WDFY2: variants seen among roughly 807,000 people sequenced by gnomAD.
WDFY2 encodes WD repeat and FYVE domain containing 2, also known as WD repeat and FYVE domain-containing protein 2.
In WDFY2, 36 loss-of-function variants were observed where a neutral mutation model predicts 56.4. That is an observed-to-expected ratio of 0.64 (90% CI 0.49 to 0.84). WDFY2 has a LOEUF of 0.84. Ranked by LOEUF, WDFY2 falls within the 40% of genes least tolerant of loss-of-function variation. The pLI, the probability that WDFY2 is intolerant of heterozygous loss-of-function variation, is 0.00. For synonymous variants in WDFY2, 176 were observed against 183.7 expected (o/e 0.96, Z 0.34); for missense variants, 444 against 512.2 (o/e 0.87, Z 1.29).
At chr13:51,675,474 C>T (rs1593401846) in intron 3 of WDFY2, among the ~76,000 whole-genome samples, 1 of 152,158 alleles carries the variant, frequency 6.6e-6, no homozygotes, top group Non-Finnish European at 1.5e-5. Flanking sequence ...TACAGAGTGG[C>T]TAGAATGGGG....
intron 3 of WDFY2, among the ~76,000 whole-genome samples, chr13:51,695,400 A>C (rs1951846378): frequency 6.6e-6 from 1 of 152,344 alleles, no homozygotes; most frequent in South Asian, 2.1e-4. Flanking sequence ...TCCTTGTAAC[A>C]GACAGGACCC....
At chr13:51,679,263 C>T (rs987179727) in intron 3 of WDFY2, among the ~76,000 whole-genome samples, 1 of 152,100 alleles carries the variant, frequency 6.6e-6, no homozygotes, top group African/African-American at 2.4e-5. Flanking sequence ...TAATTTTCAC[C>T]AACCCTGAGT....
intron 1 of WDFY2, among the ~76,000 whole-genome samples, chr13:51,620,028 G>A (rs896471153): frequency 1.3e-5 from 2 of 152,148 alleles, no homozygotes; most frequent in Non-Finnish European, 2.9e-5. Context: ...CTAATAATCT[G>A]GGCTGATCCT....
intron 3 of WDFY2, among the ~76,000 whole-genome samples, chr13:51,682,164 G>T (rs1955988266): frequency 6.6e-6 from 1 of 152,188 alleles, no homozygotes; most frequent in Non-Finnish European, 1.5e-5. Flanking sequence ...AGAGTGAGTG[G>T]TGGATTGAAG....
intron 1 of WDFY2, among the ~76,000 whole-genome samples, chr13:51,629,577 CA>C (rs1954910622): frequency 6.6e-6 from 1 of 152,076 alleles, no homozygotes; most frequent in African/African-American, 2.4e-5. Flanking sequence ...CTGTTCTGTA[CA>C]AGCATTGCAC....
chr13:51,683,582 A>C (rs1021504212), intron 3 of WDFY2, among the ~76,000 whole-genome samples: 2 of 152,202 alleles, frequency 1.3e-5, no homozygotes, highest in Non-Finnish European at 2.9e-5. Flanking sequence ...CATGAAATAT[A>C]TCTTCCAGGG....
chr13:51,724,871 C>T (rs925558042), intron 5 of WDFY2, among the ~76,000 whole-genome samples: 2 of 152,162 alleles, frequency 1.3e-5, no homozygotes, highest in Non-Finnish European at 2.9e-5. Flanking sequence ...CAGTTCATCC[C>T]TTATCACTGT....
intron 1 of WDFY2, among the ~76,000 whole-genome samples, chr13:51,631,721 A>T (rs1954956260): frequency 6.6e-6 from 1 of 152,070 alleles, no homozygotes; most frequent in African/African-American, 2.4e-5. Flanking sequence ...TTAGACGAGG[A>T]TCTTGCCATG....
intron 1 of WDFY2, among the ~76,000 whole-genome samples, chr13:51,634,973 C>T (rs943784585): frequency 1.3e-5 from 2 of 152,100 alleles, no homozygotes; most frequent in Admixed American, 6.5e-5. Context: ...GAGTCTCTCT[C>T]TGTTGCCCAG....
chr13:51,712,224 A>C (rs147739092), intron 4 of WDFY2, among the ~76,000 whole-genome samples: 123 of 152,194 alleles, frequency 8.1e-4, no homozygotes, highest in African/African-American at 2.8e-3. Flanking sequence ...GTATCTTCTC[A>C]CTCATAGGTG....
intron 1 of WDFY2, among the ~76,000 whole-genome samples, chr13:51,624,169 G>C (rs1315543139): frequency 6.6e-6 from 1 of 152,158 alleles, no homozygotes; most frequent in Non-Finnish European, 1.5e-5. Flanking sequence ...ACAGATTACT[G>C]CTGGATTCTG....
chr13:51,651,333 C>G (rs1297419183), intron 1 of WDFY2, among the ~76,000 whole-genome samples: 3 of 152,154 alleles, frequency 2.0e-5, no homozygotes, highest in Non-Finnish European at 1.5e-5. Flanking sequence ...TGCTAGTGGT[C>G]TATCAATTTT....
Position 51,751,311 on chromosome 13 carries a change from G to A in WDFY2, c.727G>A (p.Asp243Asn), listed in dbSNP as rs778904850. 1.7e-5 allele frequency: 28 copies of A among 1,612,000 alleles called. No individual in the cohort carries two copies. The South Asian group carries it at 2.6e-4, about 15-fold the overall frequency. Residue 243 changes from aspartate (D) to asparagine (N), a missense_variant and splice_region_variant, in exon 8 of 12, where the codon GAC (aspartate) becomes AAC (asparagine). By Grantham distance (23) the Asp-to-Asn change is conservative (BLOSUM62 1). Transcript: ENST00000298125. ...GTAIELQGHN[D>N]RVQALSYAQH... ...AATAACCCTTGGTTTCTTTCACAGC[G>A]ACAGAGTCCAGGCCCTCTCCTATGC...
At chr13:51,658,086 A>G (rs1363784692) in intron 1 of WDFY2, among the ~76,000 whole-genome samples, 10 of 152,164 alleles carry the variant, frequency 6.6e-5, no homozygotes, top group Non-Finnish European at 1.3e-4. Context: ...ATTATAATGC[A>G]GTAATTCTGG....
intron 1 of WDFY2, among the ~76,000 whole-genome samples, chr13:51,640,674 C>A (rs1955138285): frequency 6.6e-6 from 1 of 151,970 alleles, no homozygotes; most frequent in Admixed American, 6.6e-5. Context: ...TATGGTGAAA[C>A]CCTGTCTCTA....
chr13:51,700,882 G>A (rs1294173203), intron 3 of WDFY2, among the ~76,000 whole-genome samples: 2 of 152,058 alleles, frequency 1.3e-5, no homozygotes, highest in Non-Finnish European at 2.9e-5. Context: ...TAGGAGAATC[G>A]CTTGAACCCA....
chr13:51,650,054 G>C (rs1284618461), intron 1 of WDFY2, among the ~76,000 whole-genome samples: 1 of 151,892 alleles, frequency 6.6e-6, no homozygotes, highest in African/African-American at 2.4e-5. Context: ...CCATGAGCAT[G>C]GAATGTTCTT....
intron 2 of WDFY2, among the ~76,000 whole-genome samples, chr13:51,662,808 C>CTTTG (rs1298684258): frequency 6.6e-6 from 1 of 152,166 alleles, no homozygotes; most frequent in African/African-American, 2.4e-5. Flanking sequence ...TGAACAAGAA[C>CTTTG]TTTGAGAAAG....
intron 1 of WDFY2, among the ~76,000 whole-genome samples, chr13:51,639,191 C>G (rs1955110155): frequency 6.6e-6 from 1 of 152,094 alleles, no homozygotes; most frequent in South Asian, 2.1e-4. Context: ...ACACCATGTA[C>G]TTTGATATAT....
Sources: allele counts gnomAD v4.1 joint callset (sites outside exome capture counted in the v4.1 genomes callset), GRCh38; gene constraint gnomAD v4.1.1; transcripts MANE v1.5; gene names NCBI Gene and HGNC (gene_info 2026-07-23, HGNC 2026-07-21).